ST7: variants seen among roughly 807,000 people sequenced by gnomAD.
ST7 encodes suppression of tumorigenicity 7.
In ST7, 28 loss-of-function variants were observed where a neutral mutation model predicts 78.7. The observed-to-expected ratio is 0.36, with a 90% CI of 0.26 to 0.49. The LOEUF (loss-of-function observed/expected upper bound fraction) is 0.49, where lower values mean the gene tolerates loss of function less well. ST7 is among the 20% of genes least tolerant of loss of function. The probability of loss-of-function intolerance (pLI) is 0.99; values close to 1 mark genes in which losing one functional copy is unlikely to be tolerated. For missense variants in ST7, 418 were observed against 696.0 expected, an observed-to-expected ratio of 0.60 and a Z score of 4.49; for synonymous variants, 247 against 249.6, an observed-to-expected ratio of 0.99 and a Z score of 0.10.
intron 12 of ST7, among the ~76,000 whole-genome samples, chr7:117,201,815 T>C (rs1024386914): frequency 9.2e-5 from 14 of 151,930 alleles, no homozygotes; most frequent in Non-Finnish European, 1.9e-4. Context: ...TCTTATGTCT[T>C]GAGGCCATCT....
At position 117,196,507 on chromosome 7, in the gene ST7, C is replaced by T. The variant is rs566846725; in HGVS notation, c.1254+5571C>T. Among the ~76,000 whole-genome samples, 5 of 151,350 alleles carry T rather than the reference C, an allele frequency of 3.3e-5. No homozygotes were observed. The South Asian group carries it at 8.3e-4, about 25-fold the overall frequency. ...TGCGGTTTTGATTTGCATTTCTCTGCTTGTTAGTGATGTTGAGCATCTTTT... is the reference window on the plus strand; with the variant it reads ...TGCGGTTTTGATTTGCATTTCTCTGTTTGTTAGTGATGTTGAGCATCTTTT... On this transcript the variant is annotated intron_variant, in intron 12 of 15. Coordinates refer to ENST00000323984, the MANE Select transcript of ST7 (RefSeq NM_001369598.1).
At chr7:117,023,273 C>A (rs1285911743) in intron 1 of ST7, among the ~76,000 whole-genome samples, 1 of 151,996 alleles carries the variant, frequency 6.6e-6, no homozygotes, top group Admixed American at 6.6e-5. Context: ...ACAAAAAAAG[C>A]CTTTAAAATA....
At chr7:117,027,703 C>G (rs2116117435) in intron 1 of ST7, among the ~76,000 whole-genome samples, 1 of 152,050 alleles carries the variant, frequency 6.6e-6, no homozygotes, top group East Asian at 1.9e-4. Context: ...GGTAACAAAG[C>G]AAGACCCTGT....
intron 1 of ST7, among the ~76,000 whole-genome samples, chr7:117,026,056 A>G (rs1450226422): frequency 6.6e-6 from 1 of 152,234 alleles, no homozygotes; most frequent in Non-Finnish European, 1.5e-5. Context: ...ACAATGGACC[A>G]GATTCATATC....
At chr7:117,201,429 T>A (rs1162190719) in intron 12 of ST7, among the ~76,000 whole-genome samples, 1 of 152,048 alleles carries the variant, frequency 6.6e-6, no homozygotes. Flanking sequence ...TCTACTGAGG[T>A]CACTCTTATT....
intron 1 of ST7, among the ~76,000 whole-genome samples, chr7:117,078,665 T>C (rs1051058603): frequency 3.3e-5 from 5 of 152,212 alleles, no homozygotes; most frequent in African/African-American, 1.2e-4. Flanking sequence ...TCTACTATTA[T>C]AAAGCTTGAA....
intron 1 of ST7, among the ~76,000 whole-genome samples, chr7:117,045,066 AGT>A (rs1044072881): frequency 6.6e-6 from 1 of 152,080 alleles, no homozygotes; most frequent in African/African-American, 2.4e-5. Context: ...ACTGCCAGTA[AGT>A]GTTGTTGACT....
At chr7:116,988,007 G>A (rs1427769921) in intron 1 of ST7, among the ~76,000 whole-genome samples, 4 of 152,220 alleles carry the variant, frequency 2.6e-5, no homozygotes, top group African/African-American at 7.2e-5. Context: ...GATTACAGGC[G>A]TGAGCCACTG....
intron 3 of ST7, among the ~76,000 whole-genome samples, chr7:117,127,733 A>T (rs1390285600): frequency 6.6e-6 from 1 of 151,926 alleles, no homozygotes; most frequent in South Asian, 2.1e-4. Context: ...TGGAAGTCAT[A>T]AAAGCAATAT....
At chr7:117,218,541 G>A (rs1026768819) in intron 13 of ST7, among the ~76,000 whole-genome samples, 1 of 152,060 alleles carries the variant, frequency 6.6e-6, no homozygotes, top group African/African-American at 2.4e-5. Flanking sequence ...TTTTAATAAA[G>A]TTTAGAAACA....
At chr7:117,161,283 A>G (rs1001494090) in intron 9 of ST7, among the ~76,000 whole-genome samples, 37 of 152,136 alleles carry the variant, frequency 2.4e-4, no homozygotes, top group Non-Finnish European at 1.2e-4. Flanking sequence ...CAAACACCCT[A>G]TTTTTGAGGA....
At chr7:116,955,537 G>T (rs1175130221) in intron 1 of ST7, among the ~76,000 whole-genome samples, 3 of 152,110 alleles carry the variant, frequency 2.0e-5, no homozygotes, top group Admixed American at 1.3e-4. Flanking sequence ...ACCACTCACA[G>T]GTCCCACCTT....
chr7:117,153,056 G>A (rs966637416), intron 9 of ST7, among the ~76,000 whole-genome samples: 1 of 152,222 alleles, frequency 6.6e-6, no homozygotes. Context: ...AAGAGGTAGA[G>A]TTGAGAGAAG....
chr7:117,183,308 C>A (rs1340847943), intron 10 of ST7, among the ~76,000 whole-genome samples: 1 of 151,802 alleles, frequency 6.6e-6, no homozygotes, highest in African/African-American at 2.4e-5. Context: ...CACCTATAGT[C>A]CCAGCTACTT....
At chr7:117,149,816 C>G (rs547967085) in intron 9 of ST7, among the ~76,000 whole-genome samples, 1 of 152,030 alleles carries the variant, frequency 6.6e-6, no homozygotes, top group South Asian at 2.1e-4. Flanking sequence ...CACCAAAAAG[C>G]TTTTGGAGGC....
At chr7:117,158,561 C>G (rs1806880559) in intron 9 of ST7, among the ~76,000 whole-genome samples, 1 of 152,194 alleles carries the variant, frequency 6.6e-6, no homozygotes, top group African/African-American at 2.4e-5. Context: ...AACTGGTGAA[C>G]TAGTGAACAT....
chr7:116,997,738 G>A lies in ST7; in HGVS notation c.151+44047G>A, dbSNP rs546089546. ...TTGAGCTAGACACAGAGTGCTGATTGGTGTATTTACAGGCCCTTAGCTAGA... is the reference window on the plus strand; with the variant it reads ...TTGAGCTAGACACAGAGTGCTGATTAGTGTATTTACAGGCCCTTAGCTAGA... On this transcript the variant is annotated intron_variant, in intron 1 of 15. Transcript: ENST00000323984. Among the ~76,000 whole-genome samples, 38 of 152,322 alleles carry A rather than the reference G, an allele frequency of 2.5e-4. No homozygotes were observed. The South Asian group carries it at 4.6e-3, about 18-fold the overall frequency.
chr7:117,060,355 G>A (rs796370450), intron 1 of ST7, among the ~76,000 whole-genome samples: 7 of 152,300 alleles, frequency 4.6e-5, no homozygotes, highest in East Asian at 1.9e-4. Context: ...CTGCAAAGCC[G>A]TAATTATAGA....
intron 9 of ST7, among the ~76,000 whole-genome samples, chr7:117,163,441 G>T (rs1410406354): frequency 6.6e-6 from 1 of 152,060 alleles, no homozygotes; most frequent in South Asian, 2.1e-4. Flanking sequence ...GCCAGTGTTT[G>T]TTGTTATTTA....
Sources: gnomAD v4.1 joint callset for allele counts (sites outside exome capture counted in the v4.1 genomes callset) on GRCh38, gnomAD v4.1.1 for gene constraint, MANE v1.5 for transcripts, NCBI Gene and HGNC (gene_info 2026-07-23, HGNC 2026-07-21) for gene names.